The following CORO1A variants were observed in gnomAD, a reference collection of about 807,000 sequenced individuals.
CORO1A encodes coronin 1A.
A neutral mutation model predicts 44.1 loss-of-function variants in CORO1A; 17 were observed. The observed-to-expected ratio is 0.39, with a 90% CI of 0.26 to 0.58. The LOEUF is 0.58. Among genes scored for constraint, CORO1A ranks in the 20% least tolerant of loss-of-function variants. The probability of loss-of-function intolerance (pLI) is 0.62; values close to 1 mark genes in which losing one functional copy is unlikely to be tolerated. For missense variants in CORO1A, 415 were observed against 606.5 expected, an observed-to-expected ratio of 0.68 and a Z score of 3.32; for synonymous variants, 271 against 244.2, an observed-to-expected ratio of 1.11 and a Z score of -1.02.
At chr16:30,186,408 TG>T in intron 2 of CORO1A, 189 bp from the exon 3 acceptor site, 1 of 655,350 alleles carries the variant, frequency 1.5e-6, no homozygotes, top group Non-Finnish European at 2.7e-6. Context: ...CCAGCCCTCC[TG>T]GGGTTTGCCC....
chr16:30,187,012 G>A, intron 4 of CORO1A, 27 bp from the exon 5 acceptor site: 1 of 1,613,692 alleles, frequency 6.2e-7, no homozygotes, highest in Non-Finnish European at 8.5e-7. Flanking sequence ...GAGGCTCATG[G>A]CTTCTGACAC....
intron 2 of CORO1A, chr16:30,186,370 C>T (rs2073334317): frequency 1.2e-5 from 7 of 573,128 alleles, no homozygotes; most frequent in Admixed American, 5.4e-5. Flanking sequence ...CAGGGTCTTG[C>T]ACGGCCCCCA....
Position 30,184,225 on chromosome 16 carries a change from G to T in CORO1A, c.-2+500G>T, listed in dbSNP as rs2151061345. Reference sequence around the variant, plus strand: ...CTGGTCCGGGGCTCCCCTCTCTCCAGATACAGGCTGCTCCTCAAGACTGGG... The same window carrying T: ...CTGGTCCGGGGCTCCCCTCTCTCCATATACAGGCTGCTCCTCAAGACTGGG... On this transcript the variant is annotated intron_variant, in intron 1 of 10. Coordinates refer to ENST00000219150, the MANE Select transcript of CORO1A (RefSeq NM_007074.4). This position sits in a 1 kb window ranked among gnomAD's most constrained non-coding sequence, Gnocchi z 4.3. The T allele has an allele frequency of 6.6e-6, 1 of 152,408 alleles. No individual in the cohort carries two copies. Among genetic ancestry groups the T allele is most frequent in the South Asian group, 2.1e-4 (1 of 4,824 alleles). The allele number at this position is 152,408 out of a possible 1,614,324, so 9.4% of individuals were successfully genotyped here. A position where few individuals can be genotyped will look rare whatever the true frequency, so the allele number is the denominator to read the frequency against.
intron 2 of CORO1A, chr16:30,186,179 C>T: frequency 9.8e-6 from 3 of 305,476 alleles, no homozygotes; most frequent in South Asian, 8.6e-5. Flanking sequence ...GGACCCACCC[C>T]TGCAGCCCCA....
Position 30,187,752 on chromosome 16 carries a change from C to G in CORO1A, c.784C>G (p.Gln262Glu). The G allele has an allele frequency of 1.9e-6, 3 of 1,611,908 alleles. No individual in the cohort carries two copies. The highest frequency in any genetic ancestry group is 2.5e-6 in the Non-Finnish European group (3 of 1,179,094). ...TKHLEEPLSL[Q>E]ELDTSSGVLL... The stretch of plus-strand genomic sequence containing the variant: ...GCACCTGGAGGAGCCGCTGTCCCTG[C>G]AGGAGCTGGACACCAGCAGCGGTGT... Residue 262 changes from glutamine (Q) to glutamate (E), a missense_variant, in exon 7 of 11, where the codon CAG becomes GAG. Physicochemically the swap from Gln to Glu is conservative, Grantham distance 29 (BLOSUM62 2). Around this residue, in one of 2 missense-constraint regions of CORO1A, gnomAD observed 325 missense variants for 521.7 expected, o/e 0.62. Coordinates refer to ENST00000219150, the MANE Select transcript of CORO1A (RefSeq NM_007074.4).
At chr16:30,186,243 C>G (rs1404000360) in intron 2 of CORO1A, 1 of 368,870 alleles carries the variant, frequency 2.7e-6, no homozygotes, top group Non-Finnish European at 5.3e-6. Context: ...CCCCCATACA[C>G]CTGTCCTGGC....
At position 30,187,368 on chromosome 16, in the gene CORO1A, C is replaced by A; in HGVS notation, c.637-14C>A. 4.3e-6 allele frequency: 7 copies of A among 1,610,048 alleles called. No homozygotes were observed. The highest frequency in any genetic ancestry group is 5.9e-6 in the Non-Finnish European group (7 of 1,180,008). Reference sequence around the variant, plus strand: ...TGTACGGGTGCCTGACCTACCACCTCCCTTTCCTTGCAGGAGAAGGACCGT... The same window carrying A: ...TGTACGGGTGCCTGACCTACCACCTACCTTTCCTTGCAGGAGAAGGACCGT... On this transcript the variant is annotated splice_polypyrimidine_tract_variant and intron_variant, in intron 5 of 10. Transcript: ENST00000219150.
At chr16:30,187,587 G>A in intron 6 of CORO1A, 86 bp downstream of exon 6, 1 of 1,539,552 alleles carries the variant, frequency 6.5e-7, no homozygotes, top group Non-Finnish European at 8.8e-7. Flanking sequence ...TCACCTGGCA[G>A]GATGGCCATG....
Position 30,186,582 on chromosome 16 carries a change from C to G in CORO1A, c.199-16C>G, listed in dbSNP as rs200317965. 1.1e-5 allele frequency: 18 copies of G among 1,611,978 alleles called. No individual in the cohort carries two copies. The African/African-American group carries it at 2.0e-4, about 18-fold the overall frequency. ...TGGGAGGCAAAAGCACCTCCAAGGC[C>G]CTGCTGTGCCTTTAGACTGGACGTG... is the stretch of plus-strand genomic sequence containing the variant. On this transcript the variant is annotated splice_polypyrimidine_tract_variant and intron_variant, in intron 2 of 10. Coordinates refer to ENST00000219150, the MANE Select transcript of CORO1A (RefSeq NM_007074.4).
At chr16:30,186,570 C>T (rs949702427) in intron 2 of CORO1A, 28 bp from the exon 3 acceptor site, 1 of 1,611,718 alleles carries the variant, frequency 6.2e-7, no homozygotes, top group Non-Finnish European at 8.5e-7. Flanking sequence ...GAGGCAAAAG[C>T]ACCTCCAAGG....
Position 30,185,365 on chromosome 16 carries a change from G to C in CORO1A, c.156G>C (p.Glu52Asp), listed in dbSNP as rs762017067. The change falls in exon 2 of 11, where the codon GAG becomes GAC. Residue 52 changes from glutamate to aspartate, a missense_variant. Physicochemically the swap from Glu to Asp is conservative, Grantham distance 45. This residue lies in a region of CORO1A where 325 missense variants were observed against 521.7 expected (regional missense o/e 0.62). Transcript: ENST00000219150. ...CTAAGTTTGTGGCCCTGATCTGTGA[G>C]GCCAGCGGGGGAGGGGCCTTCCTGG... is the stretch of plus-strand genomic sequence containing the variant. ...VNPKFVALICEASGGGAFLVL... is the reference protein window; with the variant it reads ...VNPKFVALICDASGGGAFLVL... 14 of 1,614,026 alleles carry C rather than the reference G, an allele frequency of 8.7e-6. No homozygotes were observed. Among genetic ancestry groups the C allele is most frequent in the Non-Finnish European group, 1.2e-5 (14 of 1,180,040 alleles).
intron 6 of CORO1A, 60 bp downstream of exon 6, chr16:30,187,561 G>A (rs752370559): frequency 1.1e-5 from 18 of 1,566,602 alleles, no homozygotes; most frequent in South Asian, 9.1e-5. Context: ...TGGAGGTTTC[G>A]TCCCTGCTCT....
chr16:30,187,290 G>A (rs957767988), intron 5 of CORO1A, 67 bp downstream of exon 5: 2 of 1,604,620 alleles, frequency 1.2e-6, no homozygotes, highest in Non-Finnish European at 1.7e-6. Flanking sequence ...CATCAGCCAG[G>A]CCCTTGGATG....
intron 3 of CORO1A, 28 bp from the exon 4 acceptor site, chr16:30,186,788 T>C: frequency 6.2e-7 from 1 of 1,609,366 alleles, no homozygotes; most frequent in Non-Finnish European, 8.5e-7. Context: ...TTTGGAGTCC[T>C]GAAGACTCAC....
At chr16:30,186,448 G>A in intron 2 of CORO1A, 150 bp from the exon 3 acceptor site, 1 of 928,198 alleles carries the variant, frequency 1.1e-6, no homozygotes, top group Admixed American at 2.0e-5. Flanking sequence ...AACAAGAGAA[G>A]AACAACCCGC....
chr16:30,188,674 T>C lies in CORO1A; in HGVS notation c.1281+98T>C. 3.1e-6 allele frequency: 3 copies of C among 975,060 alleles called. No homozygotes were observed. The South Asian group carries it at 4.5e-5, about 15-fold the overall frequency. 60.4% of individuals were successfully genotyped at this position (975,060 alleles called of 1,614,324 possible). A position where few individuals can be genotyped will look rare whatever the true frequency, so the allele number is the denominator to read the frequency against. On this transcript the variant is annotated intron_variant, in intron 10 of 10. Coordinates refer to ENST00000219150, the MANE Select transcript of CORO1A (RefSeq NM_007074.4). ...TCACAACATTGGGAATCTTTGTGGG[T>C]CCGGGAATGGTAATCCTGAGGCCTC...
At chr16:30,186,305 G>A (rs2073333394) in intron 2 of CORO1A, 7 of 439,308 alleles carry the variant, frequency 1.6e-5, no homozygotes, top group South Asian at 1.2e-4. Context: ...CTGGGGTGGG[G>A]GTGCCAACCC....
rs752995283 is a variant in CORO1A, at chr16:30,186,949, C to G, written c.451+4C>G. 1.9e-6 allele frequency: 3 copies of G among 1,612,744 alleles called. No individual in the cohort carries two copies. Among genetic ancestry groups the G allele is most frequent in the Non-Finnish European group, 2.5e-6 (3 of 1,179,924 alleles). On this transcript the variant is annotated splice_donor_region_variant and intron_variant, in intron 4 of 10. Coordinates refer to ENST00000219150, the MANE Select transcript of CORO1A (RefSeq NM_007074.4). ...CAGAACGTGCTGCTCAGTGCAGGTG[C>G]TGCGGGAGGAGGGGCTTGGGGGTGG...
At position 30,186,721 on chromosome 16, in the gene CORO1A, G is replaced by T; in HGVS notation, c.321+1G>T. The T allele has an allele frequency of 6.2e-7, 1 of 1,611,742 alleles. No homozygotes were observed. Among genetic ancestry groups the T allele is most frequent in the Admixed American group, 1.7e-5 (1 of 59,920 alleles). ...TGGCTCCGAGGACTGCACAGTCATGGTGAGTGGTGGTGGGGACCCAGGGGC... is the reference window on the plus strand; with the variant it reads ...TGGCTCCGAGGACTGCACAGTCATGTTGAGTGGTGGTGGGGACCCAGGGGC... On this transcript the variant is annotated splice_donor_variant, in intron 3 of 10. Transcript: ENST00000219150. LOFTEE classifies it high-confidence loss of function.
Sources: gnomAD v4.1 joint callset for allele counts on GRCh38, gnomAD v4.1.1 for gene constraint, gnomAD v4.1.1 regional missense constraint, Gnocchi (gnomAD v3.1) non-coding constraint, MANE v1.5 for transcripts, NCBI Gene and HGNC (gene_info 2026-07-23, HGNC 2026-07-21) for gene names.